GON4L: variants seen among roughly 807,000 people sequenced by gnomAD.
The protein encoded by GON4L is GON-4-like protein.
A neutral mutation model predicts 211.8 loss-of-function variants in GON4L; 87 were observed. The ratio of observed to expected loss-of-function variants is 0.41; its 90% CI spans 0.35 to 0.49. The LOEUF (loss-of-function observed/expected upper bound fraction) is 0.49, where lower values mean the gene tolerates loss of function less well. Among genes scored for constraint, GON4L ranks in the 20% least tolerant of loss-of-function variants. GON4L has a pLI of 0.15. For synonymous variants in GON4L, 875 were observed against 962.6 expected (o/e 0.91, Z 1.68); for missense variants, 2,155 against 2,659.5 (o/e 0.81, Z 4.17).
rs751047258 is a variant in GON4L, at chr1:155,822,380, T to C, written c.794A>G (p.Tyr265Cys). Reference sequence around the variant, plus strand: ...AAGCATGTCATCCAGTTTCAGGTCATATGCCAAGGTCCCTTCTTGACCCCT... The same window carrying C: ...AAGCATGTCATCCAGTTTCAGGTCACATGCCAAGGTCCCTTCTTGACCCCT... ...DGRGQEGTLA[Y>C]DLKLDDMLDR... The change falls in exon 4 of 32, where the codon TAT (tyrosine) becomes TGT (cysteine). Residue 265 changes from tyrosine (Y) to cysteine (C), a missense_variant. This residue lies in a region of GON4L where 551 missense variants were observed against 854.0 expected (regional missense o/e 0.65). Coordinates refer to ENST00000368331, the MANE Select transcript of GON4L (RefSeq NM_001282860.2). 7.4e-6 allele frequency: 12 copies of C among 1,613,750 alleles called. No individual in the cohort carries two copies. Among genetic ancestry groups the C allele is most frequent in the African/African-American group, 1.3e-5 (1 of 74,918 alleles).
chr1:155,822,351 G>A lies in GON4L; in HGVS notation c.823C>T (p.Arg275Cys), dbSNP rs368588136. 3.8e-5 allele frequency: 61 copies of A among 1,613,836 alleles called. No homozygotes were observed. Among genetic ancestry groups the A allele is most frequent in the Non-Finnish European group, 4.7e-5 (56 of 1,179,898 alleles). ...YDLKLDDMLD[R>C]TLEDGAKQHN... ...TGCTTGGCACCATCCTCCAAGGTACGGTCAAGCATGTCATCCAGTTTCAGG... is the reference window on the plus strand; with the variant it reads ...TGCTTGGCACCATCCTCCAAGGTACAGTCAAGCATGTCATCCAGTTTCAGG... The change falls in exon 4 of 32, where the codon CGT becomes TGT. Residue 275 changes from arginine (R) to cysteine (C), a missense_variant. Arg to Cys is a radical substitution (Grantham distance 180). Around this residue, in one of 6 missense-constraint regions of GON4L, gnomAD observed 551 missense variants for 854.0 expected, o/e 0.65. Transcript: ENST00000368331.
chr1:155,808,919 T>C (rs1329250983), intron 10 of GON4L, among the ~76,000 whole-genome samples: 5 of 152,042 alleles, frequency 3.3e-5, no homozygotes, highest in African/African-American at 7.2e-5. Context: ...ACCCTGTTTT[T>C]TAAAATTTTT....
rs762281969 is a variant in GON4L at position 155,760,539 on chromosome 1, A to G, written c.5014T>C (p.Tyr1672His). The change falls in exon 24 of 32, where the codon TAC (tyrosine) becomes CAC (histidine). Residue 1672 changes from tyrosine (Y) to histidine (H), a missense_variant. By Grantham distance (83) the Tyr-to-His change is moderately conservative. Coordinates refer to ENST00000368331, the MANE Select transcript of GON4L (RefSeq NM_001282860.2). ...TGGAGCAGAATTTGCAGGCTTTTGT[A>G]GAGATCTACAGCCGTCCGTCTCTGG... The part of the protein sequence containing the change: ...STQRRTAVDL[Y>H]KSLQILLQDW... 2.5e-6 allele frequency: 4 copies of G among 1,612,720 alleles called. No individual in the cohort carries two copies. In the South Asian group the frequency reaches 4.4e-5, roughly 18 times the overall value.
chr1:155,807,460 A>G (rs1338459824), intron 10 of GON4L, among the ~76,000 whole-genome samples: 1 of 151,998 alleles, frequency 6.6e-6, no homozygotes, highest in African/African-American at 2.4e-5. Flanking sequence ...GTAATCCCAG[A>G]CTTTGGGAGG....
chr1:155,782,124 G>C (rs189707434), intron 14 of GON4L, among the ~76,000 whole-genome samples: 1 of 151,792 alleles, frequency 6.6e-6, no homozygotes, highest in African/African-American at 2.4e-5. Context: ...CACTTTCCCA[G>C]GGTTTTTGTT....
At chr1:155,814,217 T>G in intron 9 of GON4L, 113 bp downstream of exon 9, 1 of 1,092,998 alleles carries the variant, frequency 9.1e-7, no homozygotes, top group Non-Finnish European at 1.4e-6. Context: ...CTTAAGAAAC[T>G]TTGAAAAAGG....
Position 155,757,229 on chromosome 1 carries a change from C to T in GON4L, c.5348G>A (p.Arg1783Gln), listed in dbSNP as rs756673969. Residue 1783 changes from arginine to glutamine, a missense_variant, in exon 26 of 32, where the codon CGG (arginine) becomes CAG (glutamine). Arg to Gln is a conservative substitution (Grantham distance 43). Transcript: ENST00000368331. The stretch of plus-strand genomic sequence containing the variant: ...ATTGATCTCTTCAAAGTCACCCATC[C>T]GGCTAGCTGCTGGGCGCAAGTGGTC... ...FFDHLRPAAS[R>Q]MGDFEEINWT... The T allele has an allele frequency of 3.2e-5, 51 of 1,613,804 alleles. No individual in the cohort carries two copies. In the Admixed American group the frequency reaches 5.2e-4, roughly 16 times the overall value.
chr1:155,748,467 G>T, downstream of GON4L: 1 of 1,610,152 alleles, frequency 6.2e-7, no homozygotes, highest in Middle Eastern at 1.7e-4. Flanking sequence ...GTTCCTTATC[G>T]CCTGTGTTCC....
chr1:155,757,361 A>G, intron 25 of GON4L, 38 bp from the exon 26 acceptor site: 1 of 1,597,112 alleles, frequency 6.3e-7, no homozygotes, highest in Non-Finnish European at 8.6e-7. Flanking sequence ...AAGTCTCCAG[A>G]GCCTCTCTAG....
Position 155,751,786 on chromosome 1 carries a change from C to T in GON4L, c.6557G>A (p.Gly2186Glu), listed in dbSNP as rs1039843013. ...QTFNIISQQL[G>E]NKTPAEVSHR... ...ACCTACCTCAGCAGGGGTCTTATTT[C>T]CCAGCTGCTGGGAGATGATGTTGAA... The change falls in exon 31 of 32, where the codon GGA becomes GAA. Residue 2186 changes from glycine to glutamate, a missense_variant. By Grantham distance (98) the Gly-to-Glu change is moderately conservative (BLOSUM62 -2). Coordinates refer to ENST00000368331, the MANE Select transcript of GON4L (RefSeq NM_001282860.2). 58 of 1,613,202 alleles carry T rather than the reference C, an allele frequency of 3.6e-5. No homozygotes were observed. Among genetic ancestry groups the T allele is most frequent in the Non-Finnish European group, 4.8e-5 (57 of 1,179,438 alleles).
At chr1:155,787,365 C>A (rs1262363037) in intron 12 of GON4L, among the ~76,000 whole-genome samples, 1 of 152,024 alleles carries the variant, frequency 6.6e-6, no homozygotes, top group Non-Finnish European at 1.5e-5. Context: ...TGCTCCAAAA[C>A]GGGGCTCATA....
chr1:155,750,725 G>A lies in GON4L; in HGVS notation c.6585C>T (p.His2195=). 6.3e-7 allele frequency: 1 copy of A among 1,584,518 alleles called. No individual in the cohort carries two copies. Among genetic ancestry groups the A allele is most frequent in the Non-Finnish European group, 8.6e-7 (1 of 1,165,654 alleles). The change falls in exon 32 of 32, where the codon CAC becomes CAT. Residue 2195 remains histidine (H), a synonymous_variant. Transcript: ENST00000368331. ...AGAGCTGCATGAGTTCTCGAAAACG[G>A]TGGGAAACCTAAGAAAGGAGGAGGG... ...LGNKTPAEVS[H]RFRELMQLFH... is the part of the protein sequence containing the mutation.
rs1452902284 is a variant in GON4L, at chr1:155,777,760, A to G, written c.1953T>C (p.Phe651=). ...NEQHRTVKEL[F]EQLKMKKSSA... ...AAGATTTCTTCATCTTCAGCTGTTCAAATAGCTCCTTCACTGTCCGATGTT... is the reference window on the plus strand; with the variant it reads ...AAGATTTCTTCATCTTCAGCTGTTCGAATAGCTCCTTCACTGTCCGATGTT... Residue 651 remains phenylalanine, a synonymous_variant, in exon 15 of 32, where the codon TTT becomes TTC. Transcript: ENST00000368331. 3 of 1,613,510 alleles carry G rather than the reference A, an allele frequency of 1.9e-6. No homozygotes were observed. The highest frequency in any genetic ancestry group is 3.3e-5 in the Admixed American group (2 of 59,996).
chr1:155,807,730 A>ACAAAAAC (rs1395575383), intron 10 of GON4L, among the ~76,000 whole-genome samples: 2 of 143,796 alleles, frequency 1.4e-5, no homozygotes, highest in African/African-American at 2.6e-5. Flanking sequence ...AAAAAAGAAA[A>ACAAAAAC]TCAGAAAGTG....
chr1:155,790,951 A>T (rs12407800), intron 12 of GON4L, among the ~76,000 whole-genome samples: 1 of 151,076 alleles, frequency 6.6e-6, no homozygotes. Context: ...TCAAAAAAAA[A>T]CCAACAAACT....
chr1:155,773,828 G>A (rs996448070), intron 17 of GON4L, among the ~76,000 whole-genome samples: 5 of 152,118 alleles, frequency 3.3e-5, no homozygotes, highest in African/African-American at 1.2e-4. Context: ...CCTTCCATAA[G>A]TGTTATTTTT....
chr1:155,814,747 A>AAAATAAATAAAT (rs139861277), intron 8 of GON4L, among the ~76,000 whole-genome samples: 1 of 149,302 alleles, frequency 6.7e-6, no homozygotes, highest in Non-Finnish European at 1.5e-5. Flanking sequence ...CTCTGTCTCA[A>AAAATAAATAAAT]AAATAAATAA....
rs1660662505 is a variant in GON4L, at chr1:155,752,100, A to G, written c.6333T>C (p.Pro2111=). The G allele has an allele frequency of 2.5e-6, 4 of 1,613,418 alleles. No homozygotes were observed. The highest frequency in any genetic ancestry group is 3.4e-6 in the Non-Finnish European group (4 of 1,179,610). Reference sequence around the variant, plus strand: ...CACTGTCTTTAGCCAAACCCCCTCTAGGGGCTTTGGGAGAAGTCTCTGAGG... The same window carrying G: ...CACTGTCTTTAGCCAAACCCCCTCTGGGGGCTTTGGGAGAAGTCTCTGAGG... The part of the protein sequence containing the change: ...IDTSETSPKA[P]RGGLAKDSGT... The change falls in exon 30 of 32, where the codon CCT becomes CCC. Residue 2111 remains proline, a synonymous_variant. Transcript: ENST00000368331.
chr1:155,762,159 C>A (rs530735982), intron 23 of GON4L, 31 bp downstream of exon 23: 1 of 1,545,798 alleles, frequency 6.5e-7, no homozygotes, highest in Non-Finnish European at 8.9e-7. Flanking sequence ...TTCATAGAGA[C>A]TGGCAATAAC....
Sources: gnomAD v4.1 joint callset for allele counts (sites outside exome capture counted in the v4.1 genomes callset) on GRCh38, gnomAD v4.1.1 for gene constraint, gnomAD v4.1.1 regional missense constraint, MANE v1.5 for transcripts, NCBI Gene and HGNC (gene_info 2026-07-23, HGNC 2026-07-21) for gene names.